Variants in RBFOX1 observed in about 807,000 individuals in gnomAD.
RBFOX1 encodes RNA binding protein fox-1 homolog 1.
A neutral mutation model predicts 57.7 loss-of-function variants in RBFOX1; 8 were observed. The ratio of observed to expected loss-of-function variants is 0.14; its 90% CI spans 0.08 to 0.25. The LOEUF is 0.25. Among genes scored for constraint, RBFOX1 ranks in the 10% least tolerant of loss-of-function variants. The pLI, the probability that RBFOX1 is intolerant of heterozygous loss-of-function variation, is 1.00. For missense variants in RBFOX1, 611 were observed against 548.5 expected (o/e 1.11, Z -1.14); for synonymous variants, 326 against 222.4 (o/e 1.47, Z -4.15).
intron 13 of RBFOX1, chr16:7,671,563 G>GT (rs1568384597): frequency 1.2e-6 from 2 of 1,610,118 alleles, no homozygotes; most frequent in African/African-American, 2.7e-5. Flanking sequence ...ATAGAGTAGT[G>GT]TATCAAGAGC....
intron 2 of RBFOX1, among the ~76,000 whole-genome samples, chr16:6,567,916 G>T (rs1449606816): frequency 6.6e-6 from 1 of 152,092 alleles, no homozygotes; most frequent in African/African-American, 2.4e-5. Context: ...GAACTGCCAG[G>T]CTCAAGCAAT....
chr16:7,076,105 G>T (rs1598808639), intron 4 of RBFOX1, among the ~76,000 whole-genome samples: 2 of 150,196 alleles, frequency 1.3e-5, no homozygotes, highest in African/African-American at 2.5e-5. Context: ...GCCATGGCGC[G>T]ATCTCGGCTC....
chr16:6,672,239 A>G (rs1304513274), intron 3 of RBFOX1, among the ~76,000 whole-genome samples: 1 of 152,168 alleles, frequency 6.6e-6, no homozygotes, highest in African/African-American at 2.4e-5. Context: ...CTTATAATCC[A>G]CCACCATAAC....
At chr16:6,401,192 T>C (rs2152953294) in intron 2 of RBFOX1, among the ~76,000 whole-genome samples, 1 of 152,282 alleles carries the variant, frequency 6.6e-6, no homozygotes, top group African/African-American at 2.4e-5. Context: ...CAAAGAATGA[T>C]GGGAGCATGT....
At chr16:5,270,592 T>C in intron 1 of RBFOX1, 1 of 585,174 alleles carries the variant, frequency 1.7e-6, no homozygotes, top group Non-Finnish European at 3.2e-6. Flanking sequence ...TGTTTTGTGT[T>C]GGTTTTACCA....
At chr16:6,108,416 A>G (rs919120174) in intron 1 of RBFOX1, among the ~76,000 whole-genome samples, 1 of 152,196 alleles carries the variant, frequency 6.6e-6, no homozygotes, top group Non-Finnish European at 1.5e-5. Context: ...AAAGAATGCA[A>G]CATAGCTATG....
chr16:5,355,941 A>T (rs1022608905), intron 1 of RBFOX1, among the ~76,000 whole-genome samples: 1 of 152,110 alleles, frequency 6.6e-6, no homozygotes, highest in African/African-American at 2.4e-5. Flanking sequence ...AAATACAAAA[A>T]TTAGCTGGGC....
chr16:7,256,360 G>A (rs1032702026), intron 4 of RBFOX1, among the ~76,000 whole-genome samples: 4 of 152,156 alleles, frequency 2.6e-5, no homozygotes, highest in Admixed American at 2.0e-4. Context: ...AAGTTCTGAG[G>A]TTTGGCCTCA....
At chr16:6,273,376 CTGT>C (rs2075432352) in intron 1 of RBFOX1, among the ~76,000 whole-genome samples, 1 of 110,256 alleles carries the variant, frequency 9.1e-6, no homozygotes, top group African/African-American at 3.7e-5. Flanking sequence ...CAAAGTTTCA[CTGT>C]TGTTGCCCAG....
chr16:7,164,828 T>C (rs2079094007), intron 4 of RBFOX1, among the ~76,000 whole-genome samples: 1 of 152,246 alleles, frequency 6.6e-6, no homozygotes, highest in Non-Finnish European at 1.5e-5. Context: ...ATTGCTGTTG[T>C]ACTTCTTTGT....
chr16:5,793,090 T>G (rs2054755758), intron 3 of RBFOX1, among the ~76,000 whole-genome samples: 1 of 152,202 alleles, frequency 6.6e-6, no homozygotes, highest in South Asian at 2.1e-4. Context: ...TTTCCAGACC[T>G]CAGGCTATGT....
intron 3 of RBFOX1, among the ~76,000 whole-genome samples, chr16:7,007,714 T>C (rs2093382532): frequency 6.6e-6 from 1 of 152,224 alleles, no homozygotes; most frequent in Non-Finnish European, 1.5e-5. Context: ...ATTTCTTGAC[T>C]ATACAGGGTA....
chr16:6,254,661 C>G (rs1178077113), intron 1 of RBFOX1, among the ~76,000 whole-genome samples: 2 of 152,136 alleles, frequency 1.3e-5, no homozygotes, highest in Non-Finnish European at 2.9e-5. Context: ...AAATTCCATT[C>G]AATGGGGGAA....
intron 14 of RBFOX1, among the ~76,000 whole-genome samples, chr16:7,697,121 C>G (rs1372017713): frequency 5.3e-5 from 8 of 152,086 alleles, no homozygotes; most frequent in Admixed American, 4.6e-4. Context: ...TTTGTGGAGA[C>G]CAAACTGCCA....
intron 1 of RBFOX1, among the ~76,000 whole-genome samples, chr16:5,422,210 G>GAGGAGA (rs2067351430): frequency 1.3e-5 from 2 of 149,954 alleles, no homozygotes; most frequent in South Asian, 2.1e-4. Flanking sequence ...GGAGAAAGGT[G>GAGGAGA]GAGGAGAGAG....
At chr16:6,039,494 G>T (rs17139226) in intron 1 of RBFOX1, among the ~76,000 whole-genome samples, 18,150 of 152,148 alleles carry the variant, frequency 0.12, 1,339 homozygotes, top group African/African-American at 0.2. Context: ...CATGATTTGG[G>T]TAGTTTTGAA....
chr16:6,457,444 C>CCCCA lies in RBFOX1; in HGVS notation c.-64+140390_-64+140391insACCC, dbSNP rs77087144. Among the ~76,000 whole-genome samples the CCCCA allele has an allele frequency of 4.7e-4, 62 of 132,936 alleles. 8 individuals are homozygous for CCCCA. In the South Asian group the frequency reaches 4.9e-3, roughly 11 times the overall value. 87.2% of individuals were successfully genotyped at this position (132,936 alleles called of 152,430 possible). On this transcript the variant is annotated intron_variant, in intron 2 of 15. Coordinates refer to ENST00000550418, the MANE Select transcript of RBFOX1 (RefSeq NM_018723.4). Reference sequence around the variant, plus strand: ...GACTGTGAATTTCCGGAAGTCCCCCCCCCCGCAATAGCTTTGATTTGACAT... The same window carrying CCCCA: ...GACTGTGAATTTCCGGAAGTCCCCCCCCCACCCCGCAATAGCTTTGATTTGACAT...
chr16:6,197,396 A>G (rs568985479), intron 1 of RBFOX1, among the ~76,000 whole-genome samples: 1 of 152,254 alleles, frequency 6.6e-6, no homozygotes, highest in South Asian at 2.1e-4. Flanking sequence ...CGCAATCTGC[A>G]CCATGGTGAA....
intron 2 of RBFOX1, among the ~76,000 whole-genome samples, chr16:6,564,479 CAAAAAT>C (rs1409369960): frequency 1.3e-5 from 2 of 151,594 alleles, no homozygotes; most frequent in African/African-American, 2.4e-5. Context: ...CAAAAACAAA[CAAAAAT>C]AAACAAACAA....
Sources: gnomAD v4.1 joint callset for allele counts (sites outside exome capture counted in the v4.1 genomes callset) on GRCh38, gnomAD v4.1.1 for gene constraint, MANE v1.5 for transcripts, NCBI Gene and HGNC (gene_info 2026-07-23, HGNC 2026-07-21) for gene names.